SLC3A2: variants seen among roughly 807,000 people sequenced by gnomAD.
The protein encoded by SLC3A2 is amino acid transporter heavy chain SLC3A2.
A neutral mutation model predicts 48.5 loss-of-function variants in SLC3A2; 32 were observed. That is an observed-to-expected ratio of 0.66 (90% CI 0.50 to 0.89). The LOEUF is 0.89. Ranked by LOEUF, SLC3A2 falls within the 40% of genes least tolerant of loss-of-function variation. The pLI, the probability that SLC3A2 is intolerant of heterozygous loss-of-function variation, is 0.00. For synonymous variants in SLC3A2, 277 were observed against 288.8 expected (o/e 0.96, Z 0.41); for missense variants, 587 against 680.7 (o/e 0.86, Z 1.53).
In SLC3A2 at chr11:62,881,482, G is replaced by C; in HGVS notation, c.424+35G>C. The C allele has an allele frequency of 6.5e-7, 1 of 1,531,660 alleles. No individual in the cohort carries two copies. The highest frequency in any genetic ancestry group is 8.7e-7 in the Non-Finnish European group (1 of 1,146,400). 94.9% of individuals were successfully genotyped at this position (1,531,660 alleles called of 1,614,324 possible). On this transcript the variant is annotated intron_variant, in intron 1 of 8. Coordinates refer to ENST00000338663, the MANE Select transcript of SLC3A2 (RefSeq NM_001013251.3). The surrounding 1 kb of genome is among the most constrained non-coding windows in gnomAD (Gnocchi z 4.0). ...GCGCGCCCCCGTCCCGGGTACCTCC[G>C]GTTGAATCTGGTGGCTTGCACCGAC...
chr11:62,856,518 G>A (rs2085325956), intron 1 of SLC3A2: 6 of 702,926 alleles, frequency 8.5e-6, no homozygotes, highest in Non-Finnish European at 1.2e-5. Context: ...CCTGCCTTCT[G>A]GTGCGTTTTC....
intron 1 of SLC3A2, chr11:62,870,855 AATTATTATTATT>A (rs753038192): frequency 4.4e-5 from 6 of 134,860 alleles, no homozygotes; most frequent in South Asian, 3.6e-4. Flanking sequence ...TAATAATAAT[AATTATTATTATT>A]ATTATTATTA....
At chr11:62,876,914 G>T, upstream of SLC3A2, 1 of 998,514 alleles carries the variant, frequency 1.0e-6, no homozygotes, top group Non-Finnish European at 1.2e-6. Context: ...GTTTTATTTT[G>T]GTTGAACAGT....
chr11:62,875,501 A>G (rs1046061068), intron 1 of SLC3A2, among the ~76,000 whole-genome samples: 2 of 152,120 alleles, frequency 1.3e-5, no homozygotes, highest in African/African-American at 4.8e-5. Context: ...GCACCACTGT[A>G]CTCCAGCCTG....
At chr11:62,882,341 T>G in intron 2 of SLC3A2, 1 of 384,326 alleles carries the variant, frequency 2.6e-6, no homozygotes, top group Non-Finnish European at 4.7e-6. Flanking sequence ...GGTTTTAAAC[T>G]TGTAAAACAG....
chr11:62,886,359 G>C (rs1313537219), intron 7 of SLC3A2: 2 of 151,138 alleles, frequency 1.3e-5, no homozygotes, highest in African/African-American at 4.9e-5. Flanking sequence ...GCATTCACTA[G>C]CTTTAGATAC....
chr11:62,869,694 A>C (rs1590623196), intron 1 of SLC3A2, among the ~76,000 whole-genome samples: 1 of 150,706 alleles, frequency 6.6e-6, no homozygotes, highest in African/African-American at 2.4e-5. Flanking sequence ...TTGTCTTTTC[A>C]GTTTGTTATG....
chr11:62,885,036 G>A lies in SLC3A2; in HGVS notation c.819-141G>A. 4 of 850,816 alleles carry A rather than the reference G, an allele frequency of 4.7e-6. No individual in the cohort carries two copies. In the South Asian group the frequency reaches 6.7e-5, roughly 14 times the overall value. The allele number at this position is 850,816 out of a possible 1,614,324, so 52.7% of individuals were successfully genotyped here. A position where few individuals can be genotyped will look rare whatever the true frequency, so the allele number is the denominator to read the frequency against. ...AGTAGAGACGGGGTTTCTCCATGTTGGTCAAGCCAGTCTCGAACTCCTGAC... is the reference window on the plus strand; with the variant it reads ...AGTAGAGACGGGGTTTCTCCATGTTAGTCAAGCCAGTCTCGAACTCCTGAC... On this transcript the variant is annotated intron_variant, in intron 5 of 8. Transcript: ENST00000338663.
At chr11:62,886,731 A>G (rs2085719203) in intron 7 of SLC3A2, among the ~76,000 whole-genome samples, 1 of 149,050 alleles carries the variant, frequency 6.7e-6, no homozygotes. Context: ...CTGGGAATAC[A>G]GGTGGTCTGG....
In SLC3A2 at chr11:62,881,538, G is replaced by C. The variant is rs1453557385; in HGVS notation, c.424+91G>C. 4.8e-6 allele frequency: 7 copies of C among 1,458,926 alleles called. No homozygotes were observed. In the East Asian group the frequency reaches 1.7e-4, roughly 36 times the overall value. The allele number at this position is 1,458,926 out of a possible 1,614,324, so 90.4% of individuals were successfully genotyped here. ...CCCCTGTCCCCAGACGGATCTAGAT[G>C]GTTCTTCCCTCCATCCCGTACCGAC... On this transcript the variant is annotated intron_variant, in intron 1 of 8. Transcript: ENST00000338663. The surrounding 1 kb of genome is among the most constrained non-coding windows in gnomAD (Gnocchi z 4.0).
chr11:62,866,381 T>G (rs978960780), intron 1 of SLC3A2, among the ~76,000 whole-genome samples: 10 of 150,004 alleles, frequency 6.7e-5, no homozygotes, highest in African/African-American at 2.5e-4. Flanking sequence ...GAATGTTAAT[T>G]GTGGTAGTTT....
chr11:62,879,633 C>T (rs192604687), upstream of SLC3A2, among the ~76,000 whole-genome samples: 2 of 152,352 alleles, frequency 1.3e-5, no homozygotes, highest in East Asian at 1.9e-4. Flanking sequence ...ACCCTTTTCT[C>T]TATGCTATTA....
intron 1 of SLC3A2, among the ~76,000 whole-genome samples, chr11:62,869,699 G>A (rs897578889): frequency 1.3e-5 from 2 of 150,648 alleles, no homozygotes; most frequent in African/African-American, 4.9e-5. Flanking sequence ...TTTTCAGTTT[G>A]TTATGGCAAA....
At position 62,888,685 on chromosome 11, in the gene SLC3A2, G is replaced by A. The variant is rs776829922; in HGVS notation, c.1582G>A (p.Ala528Thr). 1.9e-6 allele frequency: 3 copies of A among 1,591,222 alleles called. No homozygotes were observed. The highest frequency in any genetic ancestry group is 2.6e-6 in the Non-Finnish European group (3 of 1,173,000). Residue 528 changes from alanine to threonine, a missense_variant, in exon 9 of 9, where the codon GCG becomes ACG. This residue lies in a region of SLC3A2 where 169 missense variants were observed against 204.4 expected (regional missense o/e 0.83). Coordinates refer to ENST00000338663, the MANE Select transcript of SLC3A2 (RefSeq NM_001013251.3). The part of the protein sequence containing the change: ...HEGLLLRFPY[A>T]A The stretch of plus-strand genomic sequence containing the variant: ...AGGGCTGCTGCTCCGCTTCCCCTAC[G>A]CGGCCTGACTTCAGCCTGACATGGA...
At chr11:62,888,029 C>T (rs2085737320) in intron 7 of SLC3A2, 106 bp from the exon 8 acceptor site, 2 of 982,252 alleles carry the variant, frequency 2.0e-6, no homozygotes, top group African/African-American at 1.6e-5. Context: ...TGCCTGGGCT[C>T]AAGCAATCCT....
At chr11:62,884,179 GC>G (rs2085677394) in intron 3 of SLC3A2, 1 of 566,150 alleles carries the variant, frequency 1.8e-6, no homozygotes, top group Admixed American at 2.8e-5. Context: ...TTTCTCTGGG[GC>G]CTTTTCTGTG....
rs2085747380 is a variant in SLC3A2 at position 62,888,595 on chromosome 11, AC to A, written c.1495del (p.Gln499SerfsTer15). 1 of 1,613,062 alleles carries A rather than the reference AC, an allele frequency of 6.2e-7. No homozygotes were observed. The highest frequency in any genetic ancestry group is 1.3e-5 in the African/African-American group (1 of 74,928). ...LPAKADLLLS[T>X]QPGREEGSPL... The stretch of plus-strand genomic sequence containing the variant: ...AGCCAAGGCTGACCTCCTGCTCAGC[AC>A]CCAGCCAGGCCGTGAGGAGGGCTCC... On this transcript the variant is annotated frameshift_variant, in exon 9 of 9. Transcript: ENST00000338663. LOFTEE classifies it low-confidence loss of function (END_TRUNC).
At chr11:62,860,329 G>A (rs1459959788) in intron 1 of SLC3A2, among the ~76,000 whole-genome samples, 1 of 151,542 alleles carries the variant, frequency 6.6e-6, no homozygotes, top group Non-Finnish European at 1.5e-5. Context: ...GTGAAACCCC[G>A]TCTCTACTAA....
At chr11:62,883,566 C>T (rs2085669922) in intron 3 of SLC3A2, 1 of 193,772 alleles carries the variant, frequency 5.2e-6, no homozygotes, top group African/African-American at 2.3e-5. Context: ...GGACACTGAC[C>T]TGTTCAGAAT....
Sources: allele counts gnomAD v4.1 joint callset (sites outside exome capture counted in the v4.1 genomes callset), GRCh38; gene constraint gnomAD v4.1.1; regional missense constraint gnomAD v4.1.1; non-coding constraint Gnocchi (gnomAD v3.1); transcripts MANE v1.5; gene names NCBI Gene and HGNC (gene_info 2026-07-23, HGNC 2026-07-21).